Variants in DLGAP4 observed in about 807,000 individuals in gnomAD.
DLGAP4 encodes disks large-associated protein 4.
A neutral mutation model predicts 86.9 loss-of-function variants in DLGAP4; 18 were observed. The ratio of observed to expected loss-of-function variants is 0.21; its 90% confidence interval spans 0.14 to 0.31. DLGAP4 has a LOEUF of 0.31. DLGAP4 is among the 10% of genes least tolerant of loss of function. The pLI, the probability that DLGAP4 is intolerant of heterozygous loss-of-function variation, is 1.00. For missense variants in DLGAP4, 1,085 were observed against 1,362.6 expected, an observed-to-expected ratio of 0.80 and a Z score of 3.21; for synonymous variants, 548 against 574.3, an observed-to-expected ratio of 0.95 and a Z score of 0.65.
At chr20:36,458,098 G>C (rs1272540263) in intron 7 of DLGAP4, among the ~76,000 whole-genome samples, 1 of 152,148 alleles carries the variant, frequency 6.6e-6, no homozygotes, top group Non-Finnish European at 1.5e-5. Context: ...AGGACAGGGA[G>C]GGGAGGGTTG....
At chr20:36,406,927 A>G (rs1225757679) in intron 2 of DLGAP4, among the ~76,000 whole-genome samples, 1 of 152,164 alleles carries the variant, frequency 6.6e-6, no homozygotes, top group Non-Finnish European at 1.5e-5. Context: ...GGGCCCGATG[A>G]GGACCAGTCA....
chr20:36,391,664 T>G (rs2031787029), intron 2 of DLGAP4, among the ~76,000 whole-genome samples: 1 of 152,182 alleles, frequency 6.6e-6, no homozygotes, highest in African/African-American at 2.4e-5. Flanking sequence ...ACTACCCAGC[T>G]CTGAGCTCCA....
At chr20:36,359,379 G>A (rs2030439477) in intron 1 of DLGAP4, among the ~76,000 whole-genome samples, 1 of 152,198 alleles carries the variant, frequency 6.6e-6, no homozygotes, top group Non-Finnish European at 1.5e-5. Flanking sequence ...CTATGGGAGA[G>A]TGCAGATTAG....
intron 2 of DLGAP4, among the ~76,000 whole-genome samples, chr20:36,408,137 C>A (rs2032379974): frequency 6.6e-6 from 1 of 151,778 alleles, no homozygotes; most frequent in Non-Finnish European, 1.5e-5. Context: ...AGCCAGGAGG[C>A]TTGGGCTTTA....
intron 7 of DLGAP4, among the ~76,000 whole-genome samples, chr20:36,467,073 TTC>T (rs1399723783): frequency 9.9e-6 from 1 of 100,954 alleles, no homozygotes; most frequent in East Asian, 3.2e-4. Flanking sequence ...TCCCCCCCCC[TTC>T]TCTCGGCCCT....
In DLGAP4 at chr20:36,527,322, C is replaced by T; in HGVS notation, c.*291C>T. On this transcript the variant is annotated 3_prime_UTR_variant, in exon 13 of 13. Transcript: ENST00000339266. ...CTAGATAGATGGACGTCGGCAACTC[C>T]CGGCCCAGCCTCCATACTGCGGTCT... 1 of 275,892 alleles carries T rather than the reference C, an allele frequency of 3.6e-6. No homozygotes were observed. Among genetic ancestry groups the T allele is most frequent in the Non-Finnish European group, 6.9e-6 (1 of 144,844 alleles). 17.1% of individuals were successfully genotyped at this position (275,892 alleles called of 1,614,324 possible). A position where few individuals can be genotyped will look rare whatever the true frequency, so the allele number is the denominator to read the frequency against.
At position 36,320,531 on chromosome 20, in the gene DLGAP4, G is replaced by A. The variant is rs183081627; in HGVS notation, c.-304+14019G>A. On this transcript the variant is annotated intron_variant, in intron 1 of 12. Coordinates refer to ENST00000339266, the MANE Select transcript of DLGAP4 (RefSeq NM_001365621.2). ...GGTTCTCCCCACGCTGCAGGCCTGC[G>A]TCATGCCCCCCACTCCCTTGCTGCA... Among the ~76,000 whole-genome samples the A allele has an allele frequency of 2.2e-4, 33 of 152,218 alleles. 1 individual carries two copies. In the South Asian group the frequency reaches 3.7e-3, roughly 17 times the overall value.
Position 36,446,801 on chromosome 20 carries a change from C to G in DLGAP4, c.1512C>G (p.Ser504Arg). 6.2e-7 allele frequency: 1 copy of G among 1,612,710 alleles called. No individual in the cohort carries two copies. Among genetic ancestry groups the G allele is most frequent in the Non-Finnish European group, 8.5e-7 (1 of 1,179,768 alleles). The change falls in exon 7 of 13, where the codon AGC (serine) becomes AGG (arginine). Residue 504 changes from serine to arginine, a missense_variant. Transcript: ENST00000339266. ...AAETLDLPLP[S>R]YFRSRSHSYL... ...AGACGCTTGACTTGCCACTGCCCAG[C>G]TACTTCCGCTCCCGCAGCCACAGCT...
intron 1 of DLGAP4, among the ~76,000 whole-genome samples, chr20:36,332,947 G>A (rs781928392): frequency 6.6e-6 from 1 of 152,180 alleles, no homozygotes; most frequent in African/African-American, 2.4e-5. Flanking sequence ...CTCCAGACAG[G>A]AGGCTCTTTC....
At chr20:36,411,216 G>A (rs953589499) in intron 2 of DLGAP4, among the ~76,000 whole-genome samples, 28 of 152,060 alleles carry the variant, frequency 1.8e-4, no homozygotes, top group African/African-American at 6.0e-4. Context: ...TCTCAAACTC[G>A]TGACCTCAGG....
intron 2 of DLGAP4, among the ~76,000 whole-genome samples, chr20:36,374,249 T>C (rs1290144409): frequency 6.6e-6 from 1 of 151,720 alleles, no homozygotes; most frequent in East Asian, 1.9e-4. Flanking sequence ...GGGGAGCACA[T>C]GGATGATTTG....
chr20:36,487,747 G>A (rs542287689), intron 7 of DLGAP4, among the ~76,000 whole-genome samples: 1 of 152,244 alleles, frequency 6.6e-6, no homozygotes, highest in African/African-American at 2.4e-5. Context: ...CCTCCCAGAA[G>A]GCAATCACTT....
chr20:36,482,835 C>T (rs1257636486), intron 7 of DLGAP4, among the ~76,000 whole-genome samples: 1 of 152,044 alleles, frequency 6.6e-6, no homozygotes. Context: ...CCATGCCCGG[C>T]TAATTTTTGT....
intron 1 of DLGAP4, among the ~76,000 whole-genome samples, chr20:36,324,794 C>T (rs1362798636): frequency 2.0e-5 from 3 of 152,108 alleles, no homozygotes; most frequent in African/African-American, 4.8e-5. Context: ...GTGATGTGAC[C>T]TGTTTCATTC....
At chr20:36,462,414 C>T (rs192326227) in intron 7 of DLGAP4, 1 of 1,480,802 alleles carries the variant, frequency 6.8e-7, no homozygotes, top group East Asian at 2.7e-5. Flanking sequence ...GCGCTGAAGG[C>T]CCCCCTTTGA....
intron 10 of DLGAP4, among the ~76,000 whole-genome samples, chr20:36,513,554 C>CAAAAAAA (rs562398294): frequency 7.4e-5 from 3 of 40,550 alleles, no homozygotes; most frequent in Non-Finnish European, 9.6e-5. Flanking sequence ...GACTCCGTCT[C>CAAAAAAA]AAAAAAAAAA....
intron 2 of DLGAP4, among the ~76,000 whole-genome samples, chr20:36,384,860 A>G (rs1312005831): frequency 1.3e-5 from 2 of 152,214 alleles, no homozygotes; most frequent in Non-Finnish European, 2.9e-5. Flanking sequence ...GTGTGCCAGG[A>G]CCTGTACTGG....
At chr20:36,363,055 C>G (rs973350035) in intron 1 of DLGAP4, among the ~76,000 whole-genome samples, 1 of 152,176 alleles carries the variant, frequency 6.6e-6, no homozygotes, top group Non-Finnish European at 1.5e-5. Flanking sequence ...AAAACTCCCT[C>G]TCAATGACAA....
At chr20:36,525,514 G>A (rs557299087) in intron 11 of DLGAP4, 86 of 362,072 alleles carry the variant, frequency 2.4e-4, no homozygotes, top group Middle Eastern at 1.7e-3. Flanking sequence ...GGAGTGAATC[G>A]GGCTTCTCTC....
Sources: allele counts gnomAD v4.1 joint callset (sites outside exome capture counted in the v4.1 genomes callset), GRCh38; gene constraint gnomAD v4.1.1; transcripts MANE v1.5; gene names NCBI Gene and HGNC (gene_info 2026-07-23, HGNC 2026-07-21).